The following ITPR1 variants were observed in gnomAD, a reference collection of about 807,000 sequenced individuals.
ITPR1 encodes inositol 1,4,5-trisphosphate receptor type 1, also known as inositol 1,4,5-trisphosphate-gated calcium channel ITPR1.
ITPR1 carries 96 observed loss-of-function variants against 318.4 expected under a neutral mutation model. The ratio of observed to expected loss-of-function variants is 0.30; its 90% CI spans 0.26 to 0.36. ITPR1 has a LOEUF of 0.36. ITPR1 is among the 10% of genes least tolerant of loss of function. ITPR1 has a pLI of 1.00. For missense variants in ITPR1, 2,440 were observed against 3,460.2 expected (o/e 0.71, Z 7.40); for synonymous variants, 1,312 against 1,289.9 (o/e 1.02, Z -0.37).
chr3:4,839,324 T>C (rs974820071), intron 61 of ITPR1, among the ~76,000 whole-genome samples: 1 of 148,632 alleles, frequency 6.7e-6, no homozygotes, highest in Non-Finnish European at 1.5e-5. Flanking sequence ...TGAAATTCCA[T>C]CTCAAAAAAA....
intron 5 of ITPR1, among the ~76,000 whole-genome samples, chr3:4,634,258 C>G (rs142183984): frequency 5.7e-4 from 87 of 152,118 alleles, no homozygotes; most frequent in African/African-American, 2.1e-3. Context: ...CTATCACCCA[C>G]GCTGGTGTGC....
chr3:4,837,073 C>T, intron 61 of ITPR1, 138 bp downstream of exon 61: 1 of 622,756 alleles, frequency 1.6e-6, no homozygotes, highest in Non-Finnish European at 2.5e-6. Context: ...AGGGGACAAA[C>T]CCACTCACTC....
intron 55 of ITPR1, among the ~76,000 whole-genome samples, chr3:4,807,804 A>G (rs1315007418): frequency 6.6e-6 from 1 of 152,176 alleles, no homozygotes; most frequent in East Asian, 1.9e-4. Context: ...AAACCTTTAG[A>G]GACTTACGTC....
chr3:4,824,284 C>T (rs1286743330), intron 60 of ITPR1, among the ~76,000 whole-genome samples: 5 of 152,144 alleles, frequency 3.3e-5, no homozygotes, highest in Non-Finnish European at 7.3e-5. Context: ...GGAAAATAAA[C>T]ACTGTATGTG....
Position 4,846,119 on chromosome 3 carries a change from G to C in ITPR1, c.8191-20G>C. 1 of 1,490,158 alleles carries C rather than the reference G, an allele frequency of 6.7e-7. No individual in the cohort carries two copies. Among genetic ancestry groups the C allele is most frequent in the Non-Finnish European group, 9.1e-7 (1 of 1,094,772 alleles). 92.3% of individuals were successfully genotyped at this position (1,490,158 alleles called of 1,614,324 possible). On this transcript the variant is annotated intron_variant, in intron 61 of 61. Transcript: ENST00000649015. Reference sequence around the variant, plus strand: ...ACAGGAAGTATCTGGGTCTAATGATGAAACTTTTTAACTTTCCAGATGACA... The same window carrying C: ...ACAGGAAGTATCTGGGTCTAATGATCAAACTTTTTAACTTTCCAGATGACA...
At chr3:4,815,262 C>T (rs766234101) in intron 59 of ITPR1, 44 bp downstream of exon 59, 17 of 1,597,812 alleles carry the variant, frequency 1.1e-5, no homozygotes, top group East Asian at 2.2e-5. Context: ...GAAGGCCCAG[C>T]GTGGCAGAGG....
chr3:4,669,751 G>A lies in ITPR1; in HGVS notation c.1984G>A (p.Ala662Thr), dbSNP rs991830876. 3.1e-6 allele frequency: 5 copies of A among 1,612,070 alleles called. No individual in the cohort carries two copies. The African/African-American group carries it at 6.7e-5, about 22-fold the overall frequency. ...TAAAGCTGTGCTGAACCCCACCAAC[G>A]CTGACATCCTGATTGAGACCAAGTG... ...ICKAVLNPTN[A>T]DILIETKLVL... Residue 662 changes from alanine to threonine, a missense_variant, in exon 19 of 62, where the codon GCT becomes ACT. Ala to Thr is a moderately conservative substitution (Grantham distance 58, BLOSUM62 0). This residue lies in a region of ITPR1 where 478 missense variants were observed against 696.3 expected (regional missense o/e 0.69). Coordinates refer to ENST00000649015, the MANE Select transcript of ITPR1 (RefSeq NM_001378452.1).
intron 52 of ITPR1, among the ~76,000 whole-genome samples, chr3:4,790,582 A>G (rs1057030081): frequency 2.0e-4 from 31 of 152,240 alleles, no homozygotes; most frequent in African/African-American, 7.0e-4. Flanking sequence ...CGGAAATACA[A>G]TTAAAATGAA....
At chr3:4,540,697 C>T (rs2084359751) in intron 4 of ITPR1, among the ~76,000 whole-genome samples, 2 of 152,020 alleles carry the variant, frequency 1.3e-5, no homozygotes, top group South Asian at 4.1e-4. Flanking sequence ...AAGTGGTTCT[C>T]CCCCTGAGTA....
In ITPR1 at chr3:4,693,697, G is replaced by A; in HGVS notation, c.4237G>A (p.Asp1413Asn). 6.2e-7 allele frequency: 1 copy of A among 1,613,986 alleles called. No homozygotes were observed. The highest frequency in any genetic ancestry group is 1.3e-5 in the African/African-American group (1 of 75,056). Residue 1413 changes from aspartate to asparagine, a missense_variant, in exon 33 of 62, where the codon GAT (aspartate) becomes AAT (asparagine). Asp to Asn is a conservative substitution (Grantham distance 23, BLOSUM62 1). Around this residue, in one of 23 missense-constraint regions of ITPR1, gnomAD observed 222 missense variants for 318.8 expected, o/e 0.70. Transcript: ENST00000649015. The part of the protein sequence containing the change: ...EIKCNSLLPL[D>N]DIVRVVTHED... Reference sequence around the variant, plus strand: ...CAAGTGCAACTCCCTGCTCCCGCTGGATGACATCGTTCGCGTGGTGACCCA... The same window carrying A: ...CAAGTGCAACTCCCTGCTCCCGCTGAATGACATCGTTCGCGTGGTGACCCA...
chr3:4,754,057 G>GGGC (rs2044763404), intron 44 of ITPR1, among the ~76,000 whole-genome samples: 1 of 130,986 alleles, frequency 7.6e-6, no homozygotes, highest in South Asian at 2.5e-4. Context: ...ATGGGGGGGG[G>GGGC]GTGGCAAGGA....
In ITPR1 at chr3:4,800,593, C is replaced by T. The variant is rs1422033016; in HGVS notation, c.7100C>T (p.Ala2367Val). ...GLQPTLFLLG[A>V]FNVCNKIIFL... Reference sequence around the variant, plus strand: ...CAACCCACGTTGTTTCTTCTGGGCGCTTTCAATGTAAGTGTGAATACCTTC... The same window carrying T: ...CAACCCACGTTGTTTCTTCTGGGCGTTTTCAATGTAAGTGTGAATACCTTC... The change falls in exon 54 of 62, where the codon GCT becomes GTT. Residue 2367 changes from alanine (A) to valine (V), a missense_variant. Coordinates refer to ENST00000649015, the MANE Select transcript of ITPR1 (RefSeq NM_001378452.1). 1 of 1,613,962 alleles carries T rather than the reference C, an allele frequency of 6.2e-7. No homozygotes were observed. Among genetic ancestry groups the T allele is most frequent in the Non-Finnish European group, 8.5e-7 (1 of 1,179,834 alleles).
In ITPR1 at chr3:4,563,371, T is replaced by A. The variant is rs149286398; in HGVS notation, c.163+42277T>A. On this transcript the variant is annotated intron_variant, in intron 4 of 61. Transcript: ENST00000649015. ...AAGAATAAAAAAAATTAGCTGGGCA[T>A]GGTGATGCACACCTGTGGTCCCAGC... Among the ~76,000 whole-genome samples the A allele has an allele frequency of 3.7e-4, 57 of 152,116 alleles. No individual in the cohort carries two copies. The East Asian group carries it at 9.5e-3, about 25-fold the overall frequency.
intron 4 of ITPR1, among the ~76,000 whole-genome samples, chr3:4,530,119 T>C (rs751208065): frequency 7.2e-5 from 11 of 152,214 alleles, no homozygotes; most frequent in Non-Finnish European, 8.8e-5. Context: ...GTGAGCTGCA[T>C]TGACACAGAA....
At chr3:4,738,238 C>T (rs1052989963) in intron 44 of ITPR1, among the ~76,000 whole-genome samples, 1 of 152,178 alleles carries the variant, frequency 6.6e-6, no homozygotes, top group Admixed American at 6.5e-5. Context: ...AAAACAACAA[C>T]TCAGTAAGCC....
At chr3:4,612,288 C>G (rs2092174110) in intron 4 of ITPR1, among the ~76,000 whole-genome samples, 2 of 151,904 alleles carry the variant, frequency 1.3e-5, no homozygotes, top group Non-Finnish European at 2.9e-5. Context: ...TCTCGAGCTC[C>G]TGACCTCAGG....
intron 5 of ITPR1, among the ~76,000 whole-genome samples, chr3:4,628,840 T>C (rs2092924431): frequency 6.6e-6 from 1 of 152,232 alleles, no homozygotes. Context: ...GTGATGACAG[T>C]TGAAGACCTA....
chr3:4,626,167 GCTAT>G (rs1363917086), intron 4 of ITPR1, among the ~76,000 whole-genome samples: 4 of 150,820 alleles, frequency 2.7e-5, no homozygotes, highest in Non-Finnish European at 2.9e-5. Context: ...AAAATTGGTG[GCTAT>G]ACCCTAAACT....
At chr3:4,787,554 C>T (rs928185552) in intron 51 of ITPR1, among the ~76,000 whole-genome samples, 2 of 95,318 alleles carry the variant, frequency 2.1e-5, no homozygotes, top group African/African-American at 3.8e-5. Context: ...AAAAAAAAGC[C>T]AGGCGTGAAG....
Sources: gnomAD v4.1 joint callset for allele counts (sites outside exome capture counted in the v4.1 genomes callset) on GRCh38, gnomAD v4.1.1 for gene constraint, gnomAD v4.1.1 regional missense constraint, MANE v1.5 for transcripts, NCBI Gene and HGNC (gene_info 2026-07-23, HGNC 2026-07-21) for gene names.